Variants in SLC17A9 observed in about 807,000 individuals in gnomAD.
SLC17A9 encodes voltage-gated purine nucleotide uniporter SLC17A9.
A neutral mutation model predicts 55.0 loss-of-function variants in SLC17A9; 49 were observed. The ratio of observed to expected loss-of-function variants is 0.89; its 90% CI spans 0.71 to 1.13. The LOEUF is 1.13. SLC17A9 is among the 50% of genes most tolerant of loss of function. The pLI, the probability that SLC17A9 is intolerant of heterozygous loss-of-function variation, is 0.00. For missense variants in SLC17A9, 526 were observed against 569.3 expected, an observed-to-expected ratio of 0.92 and a Z score of 0.77; for synonymous variants, 256 against 247.4, an observed-to-expected ratio of 1.03 and a Z score of -0.32.
At chr20:62,955,202 C>G (rs2065526283) in intron 1 of SLC17A9, among the ~76,000 whole-genome samples, 1 of 151,218 alleles carries the variant, frequency 6.6e-6, no homozygotes, top group African/African-American at 2.4e-5. Context: ...GGCTGGAGTT[C>G]AGTAGTTTGA....
In SLC17A9 at chr20:62,962,504, C is replaced by T. The variant is rs1218790022; in HGVS notation, c.498-120C>T. ...GGCTTCTGAGCTGCTCCTCTGGAGG[C>T]GATGAAAACACCCTCTTCTCCAGGG... is the stretch of plus-strand genomic sequence containing the variant. On this transcript the variant is annotated intron_variant, in intron 4 of 12. Transcript: ENST00000370351. The surrounding 1 kb of genome is among the most constrained non-coding windows in gnomAD (Gnocchi z 5.5). 9.1e-6 allele frequency: 12 copies of T among 1,312,236 alleles called. No individual in the cohort carries two copies. The highest frequency in any genetic ancestry group is 2.9e-5 in the South Asian group (2 of 69,902). 81.3% of individuals were successfully genotyped at this position (1,312,236 alleles called of 1,614,324 possible).
intron 2 of SLC17A9, 32 bp from the exon 3 acceptor site, chr20:62,957,409 C>T: frequency 6.4e-7 from 1 of 1,553,116 alleles, no homozygotes; most frequent in South Asian, 1.2e-5. Context: ...CCTGCACAGC[C>T]ACATCCTCAC....
Position 62,957,552 on chromosome 20 carries a change from C to A in SLC17A9, c.369C>A (p.Phe123Leu). The change falls in exon 3 of 13, where the codon TTC becomes TTA. Residue 123 changes from phenylalanine to leucine, a missense_variant. By Grantham distance (22) the Phe-to-Leu change is conservative. Transcript: ENST00000370351. ...LSSAHLAFMTFSRILMGLLQG... is the reference protein window; with the variant it reads ...LSSAHLAFMTLSRILMGLLQG... ...GTGCCCACCTGGCCTTCATGACCTT[C>A]TCACGCATCCTCATGGGCTTGCTCC... 1 of 1,587,786 alleles carries A rather than the reference C, an allele frequency of 6.3e-7. No homozygotes were observed. The highest frequency in any genetic ancestry group is 8.6e-7 in the Non-Finnish European group (1 of 1,168,708).
chr20:62,954,222 G>A (rs114202137), intron 1 of SLC17A9, among the ~76,000 whole-genome samples: 2,283 of 152,322 alleles, frequency 0.015, 41 homozygotes, highest in African/African-American at 0.038. Context: ...ATTGGGTAGC[G>A]CCAAGGATTC....
chr20:62,965,187 G>A (rs749517355), intron 9 of SLC17A9, 21 bp downstream of exon 9: 20 of 1,613,940 alleles, frequency 1.2e-5, no homozygotes, highest in Admixed American at 1.7e-5. Flanking sequence ...CATTCCGGTC[G>A]TTCTCTCTGG....
At position 62,962,838 on chromosome 20, in the gene SLC17A9, G is replaced by A; in HGVS notation, c.628+84G>A. 6.4e-7 allele frequency: 1 copy of A among 1,558,092 alleles called. No individual in the cohort carries two copies. On this transcript the variant is annotated intron_variant, in intron 5 of 12. Transcript: ENST00000370351. This position sits in a 1 kb window ranked among gnomAD's most constrained non-coding sequence, Gnocchi z 5.5. ...CTGGTGGCAGCCGCTGAGCAGCCTG[G>A]AGCAGGAGCCCGGAGACGATGGCTT... is the stretch of plus-strand genomic sequence containing the variant.
chr20:62,965,760 TGCTGCCCGCACGG>T, intron 10 of SLC17A9, 35 bp downstream of exon 10: 1 of 1,602,758 alleles, frequency 6.2e-7, no homozygotes. Context: ...CAGAGCGCCG[TGCTGCCCGCACGG>T]CCGAGGCCCG....
rs573033648 is a variant in SLC17A9, at chr20:62,963,205, C to T, written c.629-68C>T. The T allele has an allele frequency of 5.9e-6, 9 of 1,531,988 alleles. No individual in the cohort carries two copies. In the East Asian group the frequency reaches 6.9e-5, roughly 12 times the overall value. 94.9% of individuals were successfully genotyped at this position (1,531,988 alleles called of 1,614,324 possible). On this transcript the variant is annotated intron_variant, in intron 5 of 12. Coordinates refer to ENST00000370351, the MANE Select transcript of SLC17A9 (RefSeq NM_022082.4). ...CCCTCTGGAACCACCCCCAAATCCC[C>T]AATCCTTTGGCAACGGGTGGCGCCT...
Position 62,952,716 on chromosome 20 carries a change from A to AGCGGAC in SLC17A9, c.-112_-111insGACGCG. ...ACAAGTCCTGAGAGAACCAGACGGAAGCGCGCTGGGACTGACACGTGGACT... is the reference window on the plus strand; with the variant it reads ...ACAAGTCCTGAGAGAACCAGACGGAAGCGGACGCGCGCTGGGACTGACACGTGGACT... On this transcript the variant is annotated 5_prime_UTR_variant, in exon 1 of 13. Transcript: ENST00000370351. The AGCGGAC allele has an allele frequency of 9.4e-7, 1 of 1,060,928 alleles. No homozygotes were observed. Among genetic ancestry groups the AGCGGAC allele is most frequent in the Non-Finnish European group, 1.3e-6 (1 of 768,212 alleles). The allele number at this position is 1,060,928 out of a possible 1,614,324, so 65.7% of individuals were successfully genotyped here. A position where few individuals can be genotyped will look rare whatever the true frequency, so the allele number is the denominator to read the frequency against.
chr20:62,965,109 C>T (rs373950147), intron 8 of SLC17A9, 23 bp from the exon 9 acceptor site: 3 of 1,613,908 alleles, frequency 1.9e-6, no homozygotes, highest in Admixed American at 1.7e-5. Context: ...AACGGGAGCC[C>T]CTTCCTTGGC....
intron 7 of SLC17A9, chr20:62,963,954 C>T (rs577630598): frequency 3.4e-6 from 2 of 596,010 alleles, no homozygotes; most frequent in African/African-American, 1.9e-5. Flanking sequence ...TGCTGGCCCA[C>T]AGAACCCGAC....
At position 62,958,705 on chromosome 20, in the gene SLC17A9, T is replaced by C. The variant is rs1251716178; in HGVS notation, c.397+1125T>C. 6.6e-6 allele frequency among the ~76,000 whole-genome samples: 1 copy of C among 152,154 alleles called. No individual in the cohort carries two copies. Among genetic ancestry groups the C allele is most frequent in the Non-Finnish European group, 1.5e-5 (1 of 68,010 alleles). Reference sequence around the variant, plus strand: ...CCCTCTCCTCCAAGTCCAGAGACTTTGGGGAGTTCACTCCCAGGCCTCGTT... The same window carrying C: ...CCCTCTCCTCCAAGTCCAGAGACTTCGGGGAGTTCACTCCCAGGCCTCGTT... On this transcript the variant is annotated intron_variant, in intron 3 of 12. Transcript: ENST00000370351. The surrounding 1 kb of genome is among the most constrained non-coding windows in gnomAD (Gnocchi z 4.1).
chr20:62,957,499 G>A lies in SLC17A9; in HGVS notation c.316G>A (p.Val106Ile), dbSNP rs201271567. 384 of 1,609,548 alleles carry A rather than the reference G, an allele frequency of 2.4e-4. 2 individuals are homozygous for A. The African/African-American group carries it at 4.4e-3, about 18-fold the overall frequency. ...CTCTGCCTGGGGCTCCATCACGGCC[G>A]TCACCCCACTGCTCGCCCACCTGAG... Reference protein sequence around the residue: ...SASAWGSITAVTPLLAHLSSA... With the variant: ...SASAWGSITAITPLLAHLSSA... Residue 106 changes from valine (V) to isoleucine (I), a missense_variant, in exon 3 of 13, where the codon GTC becomes ATC. Physicochemically the swap from Val to Ile is conservative, Grantham distance 29. Coordinates refer to ENST00000370351, the MANE Select transcript of SLC17A9 (RefSeq NM_022082.4).
chr20:62,964,170 C>T, intron 7 of SLC17A9, 58 bp from the exon 8 acceptor site: 1 of 1,572,588 alleles, frequency 6.4e-7, no homozygotes, highest in South Asian at 1.1e-5. Flanking sequence ...TGAGTATCCT[C>T]TTCCAGATGG....
rs1204231981 is a variant in SLC17A9 at position 62,956,860 on chromosome 20, G to A, written c.155G>A (p.Ser52Asn). ...SSMPICTVSMSQDFGWNKKEA... is the reference protein window; with the variant it reads ...SSMPICTVSMNQDFGWNKKEA... ...ATGCCCATCTGCACCGTCTCCATGA[G>A]CCAGGACTTCGGCTGGAACAAGAAG... The change falls in exon 2 of 13, where the codon AGC becomes AAC. Residue 52 changes from serine to asparagine, a missense_variant. By Grantham distance (46) the Ser-to-Asn change is conservative. Coordinates refer to ENST00000370351, the MANE Select transcript of SLC17A9 (RefSeq NM_022082.4). 1.9e-6 allele frequency: 3 copies of A among 1,613,436 alleles called. No individual in the cohort carries two copies. The highest frequency in any genetic ancestry group is 1.1e-5 in the South Asian group (1 of 91,094).
In SLC17A9 at chr20:62,967,672, T is replaced by TGGGGGGGGGG; in HGVS notation, c.*176_*177insGGGGGGGGGG. 9.2e-6 allele frequency: 1 copy of TGGGGGGGGGG among 108,664 alleles called. No individual in the cohort carries two copies. The highest frequency in any genetic ancestry group is 1.8e-5 in the Non-Finnish European group (1 of 55,700). 6.7% of individuals were successfully genotyped at this position (108,664 alleles called of 1,614,324 possible). On this transcript the variant is annotated 3_prime_UTR_variant, in exon 13 of 13. Transcript: ENST00000370351. ...GAGTCCACAACAGCTGGTGGGAGGG[T>TGGGGGGGGGG]GGGGTGGGCCTGGGTCCAGACCAGG...
intron 9 of SLC17A9, 54 bp downstream of exon 9, chr20:62,965,220 C>A (rs2065625172): frequency 1.2e-6 from 2 of 1,608,568 alleles, no homozygotes; most frequent in Non-Finnish European, 1.7e-6. Context: ...TGTTCAGGGT[C>A]TCCCAGGAAC....
chr20:62,964,015 C>A, intron 7 of SLC17A9: 1 of 618,998 alleles, frequency 1.6e-6, no homozygotes, highest in Admixed American at 2.9e-5. Context: ...ACAGAGGGGT[C>A]ACCTGCGGTC....
At chr20:62,965,069 C>A (rs969185922) in intron 8 of SLC17A9, 63 bp from the exon 9 acceptor site, 86 of 1,596,928 alleles carry the variant, frequency 5.4e-5, no homozygotes, top group Non-Finnish European at 7.2e-5. Context: ...CGGGATGGGA[C>A]CCCCTCTGGG....
Sources: allele counts gnomAD v4.1 joint callset (sites outside exome capture counted in the v4.1 genomes callset), GRCh38; gene constraint gnomAD v4.1.1; non-coding constraint Gnocchi (gnomAD v3.1); transcripts MANE v1.5; gene names NCBI Gene and HGNC (gene_info 2026-07-23, HGNC 2026-07-21).